HCRTR1: variants seen among roughly 807,000 people sequenced by gnomAD.
The protein encoded by HCRTR1 is orexin/Hypocretin receptor type 1.
A neutral mutation model predicts 40.6 loss-of-function variants in HCRTR1; 28 were observed. The observed-to-expected ratio is 0.69, with a 90% CI of 0.51 to 0.95. The LOEUF is 0.95. Among genes scored for constraint, HCRTR1 ranks in the 40% least tolerant of loss-of-function variants. The pLI, the probability that HCRTR1 is intolerant of heterozygous loss-of-function variation, is 0.00. For synonymous variants in HCRTR1, 209 were observed against 230.0 expected (o/e 0.91, Z 0.83); for missense variants, 482 against 564.7 (o/e 0.85, Z 1.48).
intron 4 of HCRTR1, 123 bp from the exon 5 acceptor site, chr1:31,620,720 A>T: frequency 7.9e-7 from 1 of 1,261,858 alleles, no homozygotes; most frequent in Non-Finnish European, 1.1e-6. Context: ...ACATTTACAC[A>T]GCCAGTAAGT....
downstream of HCRTR1, chr1:31,632,360 G>T: frequency 1.4e-6 from 2 of 1,436,648 alleles, no homozygotes; most frequent in Non-Finnish European, 2.0e-6. Flanking sequence ...AGGGATGCAG[G>T]CCTGCACTGA....
Position 31,626,951 on chromosome 1 carries a change from C to T in HCRTR1, c.1249C>T (p.Leu417Phe). ...SISKISEHVV[L>F]TSVTTVLP ...CTCCAAAATCTCTGAGCATGTGGTG[C>T]TCACCAGCGTCACCACAGTGCTGCC... Residue 417 changes from leucine (L) to phenylalanine (F), a missense_variant, in exon 9 of 9, where the codon CTC becomes TTC. Coordinates refer to ENST00000403528, the MANE Select transcript of HCRTR1 (RefSeq NM_001525.3). The surrounding 1 kb of genome is among the most constrained non-coding windows in gnomAD (Gnocchi z 4.6). 3 of 1,613,092 alleles carry T rather than the reference C, an allele frequency of 1.9e-6. No individual in the cohort carries two copies. The highest frequency in any genetic ancestry group is 2.5e-6 in the Non-Finnish European group (3 of 1,179,966).
At chr1:31,631,475 T>C (rs929952446), downstream of HCRTR1, among the ~76,000 whole-genome samples, 14 of 152,156 alleles carry the variant, frequency 9.2e-5, no homozygotes, top group African/African-American at 3.4e-4. Context: ...GCTTCCTTCC[T>C]TCCTCTGTTC....
At chr1:31,630,387 T>G (rs1395977798), downstream of HCRTR1, 1 of 562,720 alleles carries the variant, frequency 1.8e-6, no homozygotes, top group East Asian at 3.1e-5. Flanking sequence ...ATTCAACTTC[T>G]ATCCTCTCCT....
intron 7 of HCRTR1, among the ~76,000 whole-genome samples, chr1:31,624,012 T>C (rs1250016492): frequency 6.6e-6 from 1 of 152,218 alleles, no homozygotes; most frequent in African/African-American, 2.4e-5. Context: ...GGAGGCTGCA[T>C]TCTAGCAGGA....
At chr1:31,631,305 AT>A (rs1456492241), downstream of HCRTR1, among the ~76,000 whole-genome samples, 2 of 152,196 alleles carry the variant, frequency 1.3e-5, no homozygotes, top group African/African-American at 4.8e-5. Flanking sequence ...TAAAATGGGG[AT>A]AATACTTAAC....
At chr1:31,633,950 C>T (rs1485103791), downstream of HCRTR1, among the ~76,000 whole-genome samples, 3 of 144,390 alleles carry the variant, frequency 2.1e-5, no homozygotes, top group Non-Finnish European at 4.5e-5. Context: ...AGCGAAACTC[C>T]ATCTCAAAAA....
At chr1:31,623,364 A>G (rs1414191439) in intron 6 of HCRTR1, among the ~76,000 whole-genome samples, 159 bp from the exon 7 acceptor site, 4 of 151,828 alleles carry the variant, frequency 2.6e-5, no homozygotes, top group Non-Finnish European at 5.9e-5. Flanking sequence ...CCAGAGTGTT[A>G]GTCTATCATA....
rs1639826316 is a variant in HCRTR1 at position 31,620,392 on chromosome 1, C to T, written c.379-451C>T. On this transcript the variant is annotated intron_variant, in intron 4 of 8. Coordinates refer to ENST00000403528, the MANE Select transcript of HCRTR1 (RefSeq NM_001525.3). ...TTTCCCACTATTTTGAGGCTCCCCACTCAACTGGTTAACTCTGGTGACCCT... is the reference window on the plus strand; with the variant it reads ...TTTCCCACTATTTTGAGGCTCCCCATTCAACTGGTTAACTCTGGTGACCCT... 2.0e-5 allele frequency among the ~76,000 whole-genome samples: 3 copies of T among 152,224 alleles called. No homozygotes were observed. The South Asian group carries it at 6.2e-4, about 31-fold the overall frequency.
At chr1:31,632,278 C>T, downstream of HCRTR1, 1 of 810,360 alleles carries the variant, frequency 1.2e-6, no homozygotes. Flanking sequence ...GGGTCCAGCC[C>T]TGATTCTGGA....
Position 31,625,062 on chromosome 1 carries a change from A to G in HCRTR1, c.1031A>G (p.His344Arg). 1 of 1,612,930 alleles carries G rather than the reference A, an allele frequency of 6.2e-7. No homozygotes were observed. Among genetic ancestry groups the G allele is most frequent in the Non-Finnish European group, 8.5e-7 (1 of 1,179,428 alleles). ...EAVYACFTFSHWLVYANSAAN... is the reference protein window; with the variant it reads ...EAVYACFTFSRWLVYANSAAN... ...GTCTACGCCTGCTTCACCTTCTCCCACTGGCTGGTGTACGCCAACAGCGCT... is the reference window on the plus strand; with the variant it reads ...GTCTACGCCTGCTTCACCTTCTCCCGCTGGCTGGTGTACGCCAACAGCGCT... Residue 344 changes from histidine (H) to arginine (R), a missense_variant, in exon 8 of 9, where the codon CAC (histidine) becomes CGC (arginine). Transcript: ENST00000403528. This position sits in a 1 kb window ranked among gnomAD's most constrained non-coding sequence, Gnocchi z 4.2.
At position 31,621,532 on chromosome 1, in the gene HCRTR1, C is replaced by A. The variant is rs2148609434; in HGVS notation, c.678C>A (p.Ala226=). The change falls in exon 6 of 9, where the codon GCC becomes GCA. Residue 226 remains alanine, a synonymous_variant. Transcript: ENST00000403528. ...HSCFFIVTYL[A]PLGLMAMAYF... ...GCTTCTTTATTGTCACCTACCTGGC[C>A]CCACTGGGCCTCATGGCCATGGCCT... is the stretch of plus-strand genomic sequence containing the variant. The A allele has an allele frequency of 6.2e-7, 1 of 1,614,136 alleles. No individual in the cohort carries two copies. The highest frequency in any genetic ancestry group is 8.5e-7 in the Non-Finnish European group (1 of 1,180,028).
chr1:31,629,794 G>A (rs1302399309), downstream of HCRTR1: 2 of 152,380 alleles, frequency 1.3e-5, no homozygotes, highest in Non-Finnish European at 2.9e-5. Flanking sequence ...TGTATAGGAT[G>A]TACTTAAATA....
chr1:31,631,130 C>CGCAA (rs1640090463), downstream of HCRTR1, among the ~76,000 whole-genome samples: 1 of 152,172 alleles, frequency 6.6e-6, no homozygotes. Context: ...ACGGACTATC[C>CGCAA]GCAATCATCT....
rs1233550292 is a variant in HCRTR1 at position 31,619,205 on chromosome 1, G to GC, written c.15dup (p.Thr6HisfsTer23). On this transcript the variant is annotated frameshift_variant, in exon 3 of 9. Coordinates refer to ENST00000403528, the MANE Select transcript of HCRTR1 (RefSeq NM_001525.3). LOFTEE classifies it high-confidence loss of function. ...GGCTCCTGAGCTCATGGAGCCCTCA[G>GC]CCACCCCAGGGGCCCAGATGGGGGT... 8.1e-6 allele frequency: 13 copies of GC among 1,611,626 alleles called. No individual in the cohort carries two copies. The highest frequency in any genetic ancestry group is 1.1e-5 in the Non-Finnish European group (13 of 1,179,960).
At chr1:31,624,867 C>T (rs1260107177) in intron 7 of HCRTR1, 130 bp from the exon 8 acceptor site, 8 of 1,011,598 alleles carry the variant, frequency 7.9e-6, no homozygotes, top group Non-Finnish European at 1.1e-5. Flanking sequence ...GTACAGAAGG[C>T]CAGGAAACGT....
At chr1:31,633,252 G>A, downstream of HCRTR1, 1 of 1,614,076 alleles carries the variant, frequency 6.2e-7, no homozygotes, top group Non-Finnish European at 8.5e-7. Context: ...TAGCCACTGT[G>A]ATCTGAGTCC....
chr1:31,632,367 C>T (rs747694298), downstream of HCRTR1: 10 of 1,511,714 alleles, frequency 6.6e-6, no homozygotes, highest in Non-Finnish European at 9.2e-6. Context: ...CAGGCCTGCA[C>T]TGAGAACAGC....
In HCRTR1 at chr1:31,620,921, T is replaced by C. The variant is rs777190080; in HGVS notation, c.457T>C (p.Leu153=). 6 of 1,614,158 alleles carry C rather than the reference T, an allele frequency of 3.7e-6. No homozygotes were observed. Among genetic ancestry groups the C allele is most frequent in the Admixed American group, 1.7e-5 (1 of 60,028 alleles). ...CTGGTATGCCATCTGCCACCCACTATTGTTCAAGAGCACAGCCCGGCGGGC... is the reference window on the plus strand; with the variant it reads ...CTGGTATGCCATCTGCCACCCACTACTGTTCAAGAGCACAGCCCGGCGGGC... ...DRWYAICHPL[L]FKSTARRARG... The change falls in exon 5 of 9, where the codon TTG becomes CTG. Residue 153 remains leucine, a synonymous_variant. Coordinates refer to ENST00000403528, the MANE Select transcript of HCRTR1 (RefSeq NM_001525.3).
Sources: gnomAD v4.1 joint callset for allele counts (sites outside exome capture counted in the v4.1 genomes callset) on GRCh38, gnomAD v4.1.1 for gene constraint, Gnocchi (gnomAD v3.1) non-coding constraint, MANE v1.5 for transcripts, NCBI Gene and HGNC (gene_info 2026-07-23, HGNC 2026-07-21) for gene names.